CPT1B: variants seen among roughly 807,000 people sequenced by gnomAD.
CPT1B encodes the protein carnitine palmitoyltransferase 1B.
A neutral mutation model predicts 92.7 loss-of-function variants in CPT1B; 57 were observed. The observed-to-expected ratio is 0.62, with a 90% confidence interval of 0.50 to 0.77. The LOEUF (loss-of-function observed/expected upper bound fraction) is 0.77. CPT1B is among the 30% of genes least tolerant of loss of function. The pLI, the probability that CPT1B is intolerant of heterozygous loss-of-function variation, is 0.00. For synonymous variants in CPT1B, 398 were observed against 383.5 expected (o/e 1.04, Z -0.44); for missense variants, 983 against 1,017.4 (o/e 0.97, Z 0.46).
chr22:50,569,126 G>GAA (rs372720822), intron 19 of CPT1B, 45 bp from the exon 20 acceptor site: 276 of 444,322 alleles, frequency 6.2e-4, no homozygotes, highest in Non-Finnish European at 8.4e-4. Flanking sequence ...TATCTATCAA[G>GAA]AAAAAAAAAA....
In CPT1B at chr22:50,573,754, C is replaced by G; in HGVS notation, c.971-39G>C. ...CACGGGCAAGCTGAGGCGGGGCCCC[C>G]AGCTACATCCTGGGAAGGGCCCACC... On this transcript the variant is annotated intron_variant, in intron 9 of 19. Transcript: ENST00000312108. This position sits in a 1 kb window ranked among gnomAD's most constrained non-coding sequence, Gnocchi z 5.0. 1.3e-6 allele frequency: 2 copies of G among 1,581,786 alleles called. No individual in the cohort carries two copies. The highest frequency in any genetic ancestry group is 1.7e-6 in the Non-Finnish European group (2 of 1,159,620).
Position 50,571,063 on chromosome 22 carries a change from G to T in CPT1B, c.1876-20C>A. The T allele has an allele frequency of 6.2e-7, 1 of 1,613,098 alleles. No individual in the cohort carries two copies. ...TGCTTTCTGCGGGGCAGAAGTAAAG[G>T]GGTGAAGAGTAGCCCTGGCCCTCCA... On this transcript the variant is annotated intron_variant, in intron 15 of 19. Transcript: ENST00000312108.
At chr22:50,576,697 G>C (rs563746915) in intron 4 of CPT1B, 60 bp from the exon 5 acceptor site, 2 of 1,576,278 alleles carry the variant, frequency 1.3e-6, no homozygotes, top group East Asian at 4.5e-5. Context: ...AAACCAACCA[G>C]CAACTCCCTG....
At chr22:50,570,811 C>T (rs1011093856) in intron 16 of CPT1B, 80 bp downstream of exon 16, 22 of 1,546,310 alleles carry the variant, frequency 1.4e-5, no homozygotes, top group South Asian at 6.0e-5. Flanking sequence ...GAAAACAGGC[C>T]GTGCTCCATC....
chr22:50,572,178 C>T (rs2146619864), intron 12 of CPT1B, 25 bp downstream of exon 12: 2 of 1,611,836 alleles, frequency 1.2e-6, no homozygotes, highest in Non-Finnish European at 1.7e-6. Context: ...GCCTGCCCTG[C>T]AGGTTCCCTC....
Position 50,571,165 on chromosome 22 carries a change from G to T in CPT1B, c.1868C>A (p.Ser623Tyr). The T allele has an allele frequency of 6.2e-7, 1 of 1,614,134 alleles. No individual in the cohort carries two copies. The highest frequency in any genetic ancestry group is 2.2e-5 in the East Asian group (1 of 44,882). ...TGGGCAGAGGACACTTACTGTGTGGGACCCCTCCATCATGGCCTGCACAAA... is the reference window on the plus strand; with the variant it reads ...TGGGCAGAGGACACTTACTGTGTGGTACCCCTCCATCATGGCCTGCACAAA... ...TAFVQAMMEGSHTKADLRDLF... is the reference protein window; with the variant it reads ...TAFVQAMMEGYHTKADLRDLF... The change falls in exon 15 of 20, where the codon TCC (serine) becomes TAC (tyrosine). Residue 623 changes from serine (S) to tyrosine (Y), a missense_variant. Coordinates refer to ENST00000312108, the MANE Select transcript of CPT1B (RefSeq NM_152246.3).
chr22:50,571,794 T>TA, intron 13 of CPT1B: 1 of 658,402 alleles, frequency 1.5e-6, no homozygotes, highest in Non-Finnish European at 2.6e-6. Flanking sequence ...TGGCTGTCTC[T>TA]AAACACAGAT....
intron 11 of CPT1B, 98 bp from the exon 12 acceptor site, chr22:50,572,406 C>A: frequency 1.4e-6 from 1 of 715,810 alleles, no homozygotes. Flanking sequence ...TAACCCTATT[C>A]TCTCTCTCTT....
rs377156417 is a variant in CPT1B at position 50,571,172 on chromosome 22, C to T, written c.1861G>A (p.Glu621Lys). ...ESTAFVQAMM[E>K]GSHTKADLRD... is the part of the protein sequence containing the mutation. ...AGGACACTTACTGTGTGGGACCCCTCCATCATGGCCTGCACAAAGGCTGTG... is the reference window on the plus strand; with the variant it reads ...AGGACACTTACTGTGTGGGACCCCTTCATCATGGCCTGCACAAAGGCTGTG... The change falls in exon 15 of 20, where the codon GAG (glutamate) becomes AAG (lysine). Residue 621 changes from glutamate (E) to lysine (K), a missense_variant. By Grantham distance (56) the Glu-to-Lys change is moderately conservative (BLOSUM62 1). Transcript: ENST00000312108. 13 of 1,614,030 alleles carry T rather than the reference C, an allele frequency of 8.1e-6. No individual in the cohort carries two copies. The highest frequency in any genetic ancestry group is 1.1e-5 in the Non-Finnish European group (13 of 1,180,018).
intron 3 of CPT1B, 135 bp downstream of exon 3, chr22:50,577,189 T>C (rs1007522917): frequency 5.1e-6 from 7 of 1,382,454 alleles, no homozygotes; most frequent in Non-Finnish European, 5.0e-6. Context: ...AAGACAATGG[T>C]TGTCATAGGG....
chr22:50,577,308 C>T lies in CPT1B; in HGVS notation c.281+16G>A, dbSNP rs946511453. 4 of 1,613,208 alleles carry T rather than the reference C, an allele frequency of 2.5e-6. No individual in the cohort carries two copies. In the East Asian group the frequency reaches 6.7e-5, roughly 27 times the overall value. ...CTCCCTGGTGGCACCTGTGCCCTTC[C>T]AGTTTCACTCCTTACCCCTGAGGGA... On this transcript the variant is annotated intron_variant, in intron 3 of 19. Transcript: ENST00000312108.
chr22:50,577,478 A>G lies in CPT1B; in HGVS notation c.142-15T>C. The G allele has an allele frequency of 6.2e-7, 1 of 1,613,056 alleles. No homozygotes were observed. The highest frequency in any genetic ancestry group is 8.5e-7 in the Non-Finnish European group (1 of 1,179,746). On this transcript the variant is annotated splice_polypyrimidine_tract_variant and intron_variant, in intron 2 of 19. Coordinates refer to ENST00000312108, the MANE Select transcript of CPT1B (RefSeq NM_152246.3). ...AGGATGCCATTCTGTGGGCAGAAACAGGCGCCCTTATGGAGCCGGAAGGCG... is the reference window on the plus strand; with the variant it reads ...AGGATGCCATTCTGTGGGCAGAAACGGGCGCCCTTATGGAGCCGGAAGGCG...
intron 4 of CPT1B, 97 bp from the exon 5 acceptor site, chr22:50,576,734 C>T: frequency 6.4e-7 from 1 of 1,552,192 alleles, no homozygotes; most frequent in Non-Finnish European, 8.9e-7. Context: ...CCCAGCCCCT[C>T]CAGGACAAAC....
chr22:50,572,393 T>A, intron 11 of CPT1B, 85 bp from the exon 12 acceptor site: 1 of 776,230 alleles, frequency 1.3e-6, no homozygotes, highest in Non-Finnish European at 2.2e-6. Flanking sequence ...TAACCCTAAT[T>A]ACTAACCCTA....
At chr22:50,571,652 A>T (rs1282883428) in intron 13 of CPT1B, 113 bp from the exon 14 acceptor site, 1 of 1,215,012 alleles carries the variant, frequency 8.2e-7, no homozygotes, top group Non-Finnish European at 1.2e-6. Context: ...GCCGGCCAAG[A>T]CATCTTCAGG....
At chr22:50,571,595 G>A (rs2070178059) in intron 13 of CPT1B, 56 bp from the exon 14 acceptor site, 2 of 1,581,420 alleles carry the variant, frequency 1.3e-6, no homozygotes, top group Non-Finnish European at 1.7e-6. Flanking sequence ...CAGGACTCTG[G>A]GTCATGTCTA....
At chr22:50,571,873 C>T (rs2070191500) in intron 13 of CPT1B, 133 bp downstream of exon 13, 7 of 868,082 alleles carry the variant, frequency 8.1e-6, no homozygotes, top group African/African-American at 1.6e-5. Context: ...TATCCTGAGA[C>T]GTGCCCTGTG....
intron 17 of CPT1B, 56 bp from the exon 18 acceptor site, chr22:50,569,724 G>GC: frequency 7.1e-7 from 1 of 1,417,842 alleles, no homozygotes; most frequent in Admixed American, 1.7e-5. Flanking sequence ...AGATCTGAAA[G>GC]CCAAGCTGAT....
At chr22:50,569,202 C>G in intron 19 of CPT1B, 121 bp from the exon 20 acceptor site, 1 of 783,282 alleles carries the variant, frequency 1.3e-6, no homozygotes, top group Non-Finnish European at 2.1e-6. Flanking sequence ...CAGCATCTGC[C>G]CAGCGAGGAC....
Sources: allele counts gnomAD v4.1 joint callset, GRCh38; gene constraint gnomAD v4.1.1; non-coding constraint Gnocchi (gnomAD v3.1); transcripts MANE v1.5; gene names NCBI Gene and HGNC (gene_info 2026-07-23, HGNC 2026-07-21).